Variants in CYTH3 observed in about 807,000 individuals in gnomAD.
CYTH3 encodes cytohesin-3.
CYTH3 carries 23 observed loss-of-function variants against 55.1 expected under a neutral mutation model. The ratio of observed to expected loss-of-function variants is 0.42; its 90% CI spans 0.30 to 0.59. The LOEUF is 0.59. CYTH3 is among the 20% of genes least tolerant of loss of function. The pLI, the probability that CYTH3 is intolerant of heterozygous loss-of-function variation, is 0.20. For synonymous variants in CYTH3, 249 were observed against 194.9 expected (o/e 1.28, Z -2.31); for missense variants, 413 against 524.8 (o/e 0.79, Z 2.08).
intron 1 of CYTH3, among the ~76,000 whole-genome samples, chr7:6,261,978 G>A (rs931964959): frequency 6.6e-6 from 1 of 151,914 alleles, no homozygotes; most frequent in Admixed American, 6.6e-5. Flanking sequence ...TAAAGCAGTT[G>A]ACAAGATAAA....
chr7:6,240,103 C>A (rs182548019), intron 1 of CYTH3, among the ~76,000 whole-genome samples: 2 of 151,994 alleles, frequency 1.3e-5, no homozygotes, highest in East Asian at 3.9e-4. Context: ...GTCAGGAGTT[C>A]GAGACCAGCC....
rs371387165 is a variant in CYTH3 at position 6,210,572 on chromosome 7, A to G, written c.35-20041T>C. On this transcript the variant is annotated intron_variant, in intron 1 of 12. Coordinates refer to ENST00000350796, the MANE Select transcript of CYTH3 (RefSeq NM_004227.4). ...AAGTTGGGAAGATAAAAACATTTTT[A>G]TAACTAATTTCCTATATCCATAGGT... 2.6e-5 allele frequency among the ~76,000 whole-genome samples: 4 copies of G among 152,384 alleles called. No homozygotes were observed. In the East Asian group the frequency reaches 7.7e-4, roughly 29 times the overall value.
At chr7:6,265,394 C>T (rs10227013) in intron 1 of CYTH3, among the ~76,000 whole-genome samples, 5,445 of 151,506 alleles carry the variant, frequency 0.036, 220 homozygotes, top group African/African-American at 0.096. Context: ...AGGCAGATCA[C>T]GAGGTCAGGA....
At chr7:6,240,992 T>C (rs1477774536) in intron 1 of CYTH3, among the ~76,000 whole-genome samples, 1 of 150,200 alleles carries the variant, frequency 6.7e-6, no homozygotes, top group Non-Finnish European at 1.5e-5. Flanking sequence ...CATGGTGGCA[T>C]GTGCCTGTAA....
intron 1 of CYTH3, among the ~76,000 whole-genome samples, chr7:6,197,036 G>A (rs1289074705): frequency 6.6e-6 from 1 of 152,168 alleles, no homozygotes; most frequent in Non-Finnish European, 1.5e-5. Flanking sequence ...AGATGAGCAG[G>A]GTTGGTTGTT....
chr7:6,193,346 T>C (rs1396650029), intron 1 of CYTH3, among the ~76,000 whole-genome samples: 1 of 145,642 alleles, frequency 6.9e-6, no homozygotes, highest in African/African-American at 2.6e-5. Flanking sequence ...CACTGCACTC[T>C]AGCCTGGGCG....
chr7:6,186,895 G>A (rs1027178654), intron 4 of CYTH3, among the ~76,000 whole-genome samples, 155 bp downstream of exon 4: 2 of 152,142 alleles, frequency 1.3e-5, no homozygotes, highest in Non-Finnish European at 2.9e-5. Flanking sequence ...CCCCACTCGC[G>A]AAAAGCCCCT....
chr7:6,165,572 G>C lies in CYTH3; in HGVS notation c.945C>G (p.Ile315Met). 6.2e-7 allele frequency: 1 copy of C among 1,614,124 alleles called. No homozygotes were observed. The highest frequency in any genetic ancestry group is 8.5e-7 in the Non-Finnish European group (1 of 1,179,980). Residue 315 changes from isoleucine to methionine, a missense_variant, in exon 11 of 13, where the codon ATC (isoleucine) becomes ATG (methionine). Physicochemically the swap from Ile to Met is conservative, Grantham distance 10 (BLOSUM62 1). This residue lies in a region of CYTH3 where 98 missense variants were observed against 115.2 expected (regional missense o/e 0.85). Transcript: ENST00000350796. ...RGIIPLENLS[I>M]REVEDPRKPN... Reference sequence around the variant, plus strand: ...GTTTCCGGGGGTCCTCCACCTCCCTGATGCTGAGGTTTTCCAACGGGATGA... The same window carrying C: ...GTTTCCGGGGGTCCTCCACCTCCCTCATGCTGAGGTTTTCCAACGGGATGA...
At chr7:6,210,710 C>G (rs1408683509) in intron 1 of CYTH3, among the ~76,000 whole-genome samples, 1 of 152,210 alleles carries the variant, frequency 6.6e-6, no homozygotes, top group Non-Finnish European at 1.5e-5. Context: ...TTCATTAACT[C>G]TGATGGATTC....
chr7:6,244,999 T>TTTTTTTTC (rs1197376395), intron 1 of CYTH3, among the ~76,000 whole-genome samples: 1 of 133,244 alleles, frequency 7.5e-6, no homozygotes, highest in African/African-American at 2.8e-5. Flanking sequence ...TTTTTGTATT[T>TTTTTTTTC]TTAGTAGAGA....
At chr7:6,176,278 T>C (rs79183291) in intron 5 of CYTH3, among the ~76,000 whole-genome samples, 1 of 147,892 alleles carries the variant, frequency 6.8e-6, no homozygotes, top group Non-Finnish European at 1.5e-5. Flanking sequence ...TTTTTTTTTT[T>C]TGAGCCAGAG....
intron 1 of CYTH3, among the ~76,000 whole-genome samples, chr7:6,199,671 C>T (rs1179291984): frequency 2.0e-5 from 3 of 152,040 alleles, no homozygotes; most frequent in Non-Finnish European, 4.4e-5. Context: ...GAAAAGATAC[C>T]AGATAAAAAT....
At chr7:6,172,491 C>G (rs924460967) in intron 6 of CYTH3, among the ~76,000 whole-genome samples, 2 of 152,192 alleles carry the variant, frequency 1.3e-5, no homozygotes, top group African/African-American at 4.8e-5. Flanking sequence ...CTGCCCCACA[C>G]AGGCTTGCCG....
At chr7:6,258,589 G>A (rs966263063) in intron 1 of CYTH3, among the ~76,000 whole-genome samples, 3 of 152,118 alleles carry the variant, frequency 2.0e-5, no homozygotes, top group Non-Finnish European at 4.4e-5. Flanking sequence ...AAAGAAGGGT[G>A]GATTTGCAAT....
At chr7:6,230,431 A>G (rs1440733113) in intron 1 of CYTH3, among the ~76,000 whole-genome samples, 1 of 152,208 alleles carries the variant, frequency 6.6e-6, no homozygotes, top group Non-Finnish European at 1.5e-5. Context: ...GCAAATCCCA[A>G]AGAAACAAAA....
chr7:6,219,230 A>T (rs1340370599), intron 1 of CYTH3, among the ~76,000 whole-genome samples: 1 of 152,204 alleles, frequency 6.6e-6, no homozygotes, highest in Non-Finnish European at 1.5e-5. Context: ...ATCTCCTACA[A>T]CTGTGTGAAA....
At chr7:6,262,599 T>C (rs1317278380) in intron 1 of CYTH3, among the ~76,000 whole-genome samples, 3 of 152,226 alleles carry the variant, frequency 2.0e-5, no homozygotes, top group African/African-American at 7.2e-5. Flanking sequence ...CCAGGCTCAA[T>C]GGCTGATGCC....
chr7:6,217,187 T>A (rs908466753), intron 1 of CYTH3, among the ~76,000 whole-genome samples: 1 of 152,172 alleles, frequency 6.6e-6, no homozygotes, highest in African/African-American at 2.4e-5. Flanking sequence ...GTGCCAAGAT[T>A]ACGGGCATGA....
intron 1 of CYTH3, among the ~76,000 whole-genome samples, chr7:6,222,560 TAC>T (rs2128551813): frequency 6.6e-6 from 1 of 152,130 alleles, no homozygotes; most frequent in East Asian, 1.9e-4. Context: ...TCCTGGTTAA[TAC>T]AGTGAAACCC....
Sources: gnomAD v4.1 joint callset for allele counts (sites outside exome capture counted in the v4.1 genomes callset) on GRCh38, gnomAD v4.1.1 for gene constraint, gnomAD v4.1.1 regional missense constraint, MANE v1.5 for transcripts, NCBI Gene and HGNC (gene_info 2026-07-23, HGNC 2026-07-21) for gene names.